Variants in CPED1 observed in about 807,000 individuals in gnomAD.
CPED1 encodes the protein cadherin-like and PC-esterase domain-containing protein 1.
CPED1 carries 114 observed loss-of-function variants against 128.2 expected under a neutral mutation model. That is an observed-to-expected ratio of 0.89 (90% CI 0.76 to 1.04). The LOEUF (loss-of-function observed/expected upper bound fraction) is 1.04, where lower values mean the gene tolerates loss of function less well. CPED1 is among the 50% of genes least tolerant of loss of function. CPED1 has a pLI of 0.00. For synonymous variants in CPED1, 462 were observed against 426.7 expected, an observed-to-expected ratio of 1.08 and a Z score of -1.02; for missense variants, 1,211 against 1,207.1, an observed-to-expected ratio of 1.00 and a Z score of -0.05.
In CPED1 at chr7:121,192,375, A is replaced by G. The variant is rs142246933; in HGVS notation, c.2056-44339A>G. On this transcript the variant is annotated intron_variant, in intron 16 of 22. Transcript: ENST00000310396. Reference sequence around the variant, plus strand: ...GATTAGGGCTGCTCAACTGGTAAATATTTACTGCAGATATTCCAAAATCTA... The same window carrying G: ...GATTAGGGCTGCTCAACTGGTAAATGTTTACTGCAGATATTCCAAAATCTA... Among the ~76,000 whole-genome samples the G allele has an allele frequency of 2.0e-5, 3 of 152,262 alleles. No homozygotes were observed. In the East Asian group the frequency reaches 5.8e-4, roughly 29 times the overall value.
chr7:121,168,702 A>G lies in CPED1; in HGVS notation c.2055+26561A>G, dbSNP rs577532566. ...TTATTCATTCTATTTTTTTGTATCC[A>G]TTAACCATCCCCCACCTCTCCTCCA... On this transcript the variant is annotated intron_variant, in intron 16 of 22. Coordinates refer to ENST00000310396, the MANE Select transcript of CPED1 (RefSeq NM_024913.5). 3.3e-5 allele frequency among the ~76,000 whole-genome samples: 5 copies of G among 152,300 alleles called. No homozygotes were observed. The East Asian group carries it at 7.7e-4, about 23-fold the overall frequency.
At chr7:121,207,470 G>C (rs1307677395) in intron 16 of CPED1, among the ~76,000 whole-genome samples, 2 of 151,958 alleles carry the variant, frequency 1.3e-5, no homozygotes, top group Non-Finnish European at 2.9e-5. Flanking sequence ...ACAGGGAAAT[G>C]CTTCATTAAT....
chr7:121,273,847 C>T (rs534938087), intron 22 of CPED1, among the ~76,000 whole-genome samples: 1 of 152,058 alleles, frequency 6.6e-6, no homozygotes, highest in Non-Finnish European at 1.5e-5. Context: ...AAAGTCAAGA[C>T]TTAGAAATGC....
At chr7:121,226,094 G>C (rs1429387780) in intron 16 of CPED1, among the ~76,000 whole-genome samples, 4 of 152,070 alleles carry the variant, frequency 2.6e-5, no homozygotes, top group Non-Finnish European at 4.4e-5. Context: ...TTTCTGCTCT[G>C]GGTTTTCCCC....
chr7:121,168,784 G>A, intron 16 of CPED1, among the ~76,000 whole-genome samples: 1 of 151,894 alleles, frequency 6.6e-6, no homozygotes, highest in Non-Finnish European at 1.5e-5. Context: ...CTGTGTCTAT[G>A]AGTTCAATTG....
intron 7 of CPED1, among the ~76,000 whole-genome samples, chr7:121,118,110 T>C (rs1382854649): frequency 6.6e-6 from 1 of 152,186 alleles, no homozygotes; most frequent in Non-Finnish European, 1.5e-5. Context: ...TTGAAAGAAC[T>C]GAGCCATGTT....
At chr7:121,098,041 T>C (rs947181641) in intron 6 of CPED1, among the ~76,000 whole-genome samples, 1 of 152,212 alleles carries the variant, frequency 6.6e-6, no homozygotes, top group Admixed American at 6.5e-5. Context: ...AATAAACATT[T>C]GGGTAAATTG....
At chr7:121,143,554 T>A (rs928746439) in intron 16 of CPED1, among the ~76,000 whole-genome samples, 4 of 152,116 alleles carry the variant, frequency 2.6e-5, no homozygotes, top group Admixed American at 6.6e-5. Context: ...TGCTTCTGAA[T>A]TGAAGAACAA....
intron 21 of CPED1, among the ~76,000 whole-genome samples, chr7:121,268,651 C>G (rs1168001587): frequency 2.0e-5 from 3 of 151,940 alleles, no homozygotes; most frequent in Non-Finnish European, 4.4e-5. Flanking sequence ...TGTGTGCACA[C>G]ACACACACAC....
At chr7:121,141,883 G>A in intron 15 of CPED1, 90 bp from the exon 16 acceptor site, 1 of 930,302 alleles carries the variant, frequency 1.1e-6, no homozygotes, top group Non-Finnish European at 1.6e-6. Context: ...ATTCAAATAG[G>A]TATTTAGTAA....
chr7:121,134,283 T>C (rs1795738866), intron 13 of CPED1, among the ~76,000 whole-genome samples: 1 of 152,038 alleles, frequency 6.6e-6, no homozygotes, highest in Non-Finnish European at 1.5e-5. Context: ...TTGTTATTTG[T>C]GACATAGATA....
intron 2 of CPED1, among the ~76,000 whole-genome samples, chr7:120,999,934 T>C (rs765725961): frequency 9.9e-5 from 15 of 152,212 alleles, no homozygotes; most frequent in Non-Finnish European, 1.9e-4. Context: ...TTAATCATTT[T>C]ATAAGTGTCA....
chr7:121,176,720 T>C (rs1262627671), intron 16 of CPED1, among the ~76,000 whole-genome samples: 1 of 152,100 alleles, frequency 6.6e-6, no homozygotes, highest in African/African-American at 2.4e-5. Context: ...ACAGATTTGG[T>C]TTAGAAAGAA....
chr7:121,237,375 T>C (rs977692321), intron 17 of CPED1, among the ~76,000 whole-genome samples: 1 of 152,228 alleles, frequency 6.6e-6, no homozygotes, highest in Admixed American at 6.5e-5. Context: ...AAATTATCTC[T>C]TTTCACTAAA....
At chr7:120,997,767 A>G (rs1364689748) in intron 2 of CPED1, among the ~76,000 whole-genome samples, 1 of 151,812 alleles carries the variant, frequency 6.6e-6, no homozygotes, top group African/African-American at 2.4e-5. Context: ...CTAAAAATAC[A>G]AAAAACTAGC....
intron 4 of CPED1, among the ~76,000 whole-genome samples, chr7:121,060,044 T>G (rs1440635796): frequency 6.8e-6 from 1 of 146,108 alleles, no homozygotes; most frequent in Non-Finnish European, 1.5e-5. Flanking sequence ...GGGCGTGGGC[T>G]TGGCGGGCCC....
At chr7:121,202,774 A>AT (rs1331755631) in intron 16 of CPED1, among the ~76,000 whole-genome samples, 4 of 152,094 alleles carry the variant, frequency 2.6e-5, no homozygotes, top group Admixed American at 2.6e-4. Context: ...ATAGATACCC[A>AT]TTTTGCAAGT....
Position 121,050,032 on chromosome 7 carries a change from A to G in CPED1, c.540+3039A>G, listed in dbSNP as rs1793307070. Among the ~76,000 whole-genome samples the G allele has an allele frequency of 2.0e-5, 3 of 152,298 alleles. No homozygotes were observed. The South Asian group carries it at 6.2e-4, about 32-fold the overall frequency. On this transcript the variant is annotated intron_variant, in intron 4 of 22. Transcript: ENST00000310396. The stretch of plus-strand genomic sequence containing the variant: ...CCCTTGCCTTAAAATCAGCTGCTTA[A>G]ATCTGTTACACTCAGCACCACTATC...
At chr7:121,257,190 G>A (rs1056440494) in intron 18 of CPED1, among the ~76,000 whole-genome samples, 1 of 151,878 alleles carries the variant, frequency 6.6e-6, no homozygotes, top group African/African-American at 2.4e-5. Context: ...CAGCAAACCT[G>A]CACACATACG....
Sources: gnomAD v4.1 joint callset for allele counts (sites outside exome capture counted in the v4.1 genomes callset) on GRCh38, gnomAD v4.1.1 for gene constraint, MANE v1.5 for transcripts, NCBI Gene and HGNC (gene_info 2026-07-23, HGNC 2026-07-21) for gene names.